Variants in RPSA2 observed in about 807,000 individuals in gnomAD.
RPSA2 encodes the protein small ribosomal subunit protein uS2B.
At chr19:23,863,516 A>G in the RPSA2 span, among the ~76,000 whole-genome samples, 1 of 151,226 alleles carries the variant, frequency 6.6e-6, no homozygotes, top group African/African-American at 2.4e-5. Flanking sequence ...GTGAGCTAAG[A>G]TCACACCACT....
chr19:23,847,544 G>T, the RPSA2 span, among the ~76,000 whole-genome samples: 2 of 152,162 alleles, frequency 1.3e-5, no homozygotes, highest in African/African-American at 2.4e-5. Context: ...AGAACAGGGA[G>T]TAGGTCACAA....
chr19:23,763,972 C>G, the RPSA2 span, among the ~76,000 whole-genome samples: 1 of 152,090 alleles, frequency 6.6e-6, no homozygotes, highest in Non-Finnish European at 1.5e-5. Flanking sequence ...TTGTATGATA[C>G]AGGTGGAAAT....
the RPSA2 span, among the ~76,000 whole-genome samples, chr19:23,776,567 T>C: frequency 6.6e-6 from 1 of 152,162 alleles, no homozygotes; most frequent in Non-Finnish European, 1.5e-5. Context: ...GCAGGAGCCA[T>C]TGTGACATAT....
At chr19:23,853,830 T>A in the RPSA2 span, among the ~76,000 whole-genome samples, 1 of 152,176 alleles carries the variant, frequency 6.6e-6, no homozygotes, top group Non-Finnish European at 1.5e-5. Context: ...ATAAATGTTC[T>A]CTGGGGAATT....
chr19:23,840,700 G>A, the RPSA2 span, among the ~76,000 whole-genome samples: 150 of 152,266 alleles, frequency 9.9e-4, no homozygotes, highest in African/African-American at 3.2e-3. Context: ...GCTGACACCT[G>A]TAATCCCAGC....
the RPSA2 span, among the ~76,000 whole-genome samples, chr19:23,772,872 AT>A: frequency 7.2e-5 from 11 of 152,150 alleles, no homozygotes; most frequent in African/African-American, 2.7e-4. Flanking sequence ...AACTGGAGAG[AT>A]GTTTACCCCA....
chr19:23,761,921 T>TCTCTCTCTCTCTCGCTCTCTCTCTC, the RPSA2 span, among the ~76,000 whole-genome samples: 10 of 76,142 alleles, frequency 1.3e-4, 2 homozygotes, highest in Non-Finnish European at 2.3e-4. Flanking sequence ...TCTTTCTTTC[T>TCTCTCTCTCTCTCGCTCTCTCTCTC]TTTTTTTTTT....
At chr19:23,819,214 A>G in the RPSA2 span, 1 of 152,164 alleles carries the variant, frequency 6.6e-6, no homozygotes, top group Non-Finnish European at 1.5e-5. Flanking sequence ...TACATAGACG[A>G]GTCAGCTTCT....
At chr19:23,849,457 C>A in the RPSA2 span, among the ~76,000 whole-genome samples, 1 of 152,014 alleles carries the variant, frequency 6.6e-6, no homozygotes, top group Non-Finnish European at 1.5e-5. Flanking sequence ...ATCATGGATG[C>A]GAGGGGCAGC....
chr19:23,843,587 TCTAA>T, the RPSA2 span, among the ~76,000 whole-genome samples: 1 of 152,180 alleles, frequency 6.6e-6, no homozygotes, highest in African/African-American at 2.4e-5. Flanking sequence ...TGAGAATATC[TCTAA>T]CTATTTTTGA....
the RPSA2 span, among the ~76,000 whole-genome samples, chr19:23,812,388 C>CTCTTTTT: frequency 1.1e-4 from 13 of 114,186 alleles, no homozygotes; most frequent in South Asian, 6.2e-4. Flanking sequence ...CTCTTTTTCT[C>CTCTTTTT]TTTTTTTTTT....
chr19:23,868,323 T>C, the RPSA2 span, among the ~76,000 whole-genome samples: 1 of 152,232 alleles, frequency 6.6e-6, no homozygotes, highest in East Asian at 1.9e-4. Flanking sequence ...TCCGGTCATG[T>C]ATGGTGACAC....
chr19:23,782,692 G>A, the RPSA2 span, among the ~76,000 whole-genome samples: 1 of 152,066 alleles, frequency 6.6e-6, no homozygotes, highest in African/African-American at 2.4e-5. Flanking sequence ...TTCTTCTGGG[G>A]TTTGTCCACA....
chr19:23,858,440 G>C, the RPSA2 span, among the ~76,000 whole-genome samples: 1 of 152,112 alleles, frequency 6.6e-6, no homozygotes, highest in African/African-American at 2.4e-5. Flanking sequence ...TTGCTGTCTT[G>C]CTTATTCATA....
the RPSA2 span, among the ~76,000 whole-genome samples, chr19:23,856,053 A>T: frequency 6.6e-6 from 1 of 152,102 alleles, no homozygotes; most frequent in Admixed American, 6.5e-5. Context: ...TTGAATCCTC[A>T]ACATCATCAG....
the RPSA2 span, chr19:23,809,638 CTT>C: frequency 6.6e-6 from 1 of 151,398 alleles, no homozygotes. Flanking sequence ...TTTTTTCTCT[CTT>C]TTATCAGACC....
chr19:23,850,903 A>G, the RPSA2 span, among the ~76,000 whole-genome samples: 1 of 152,138 alleles, frequency 6.6e-6, no homozygotes, highest in Non-Finnish European at 1.5e-5. Flanking sequence ...TGAGTTTTTA[A>G]GGTGTGATTG....
At chr19:23,777,538 A>G in the RPSA2 span, among the ~76,000 whole-genome samples, 1 of 151,488 alleles carries the variant, frequency 6.6e-6, no homozygotes, top group Non-Finnish European at 1.5e-5. Context: ...TCTTGGCCTG[A>G]CACCTAGGGG....
At chr19:23,798,245 CAG>C in the RPSA2 span, among the ~76,000 whole-genome samples, 1 of 152,084 alleles carries the variant, frequency 6.6e-6, no homozygotes, top group African/African-American at 2.4e-5. Flanking sequence ...TTTAGCAAAA[CAG>C]AATTATAAGG....
Sources: allele counts gnomAD v4.1 joint callset (sites outside exome capture counted in the v4.1 genomes callset), GRCh38; gene constraint gnomAD v4.1.1; transcripts MANE v1.5; gene names NCBI Gene and HGNC (gene_info 2026-07-23, HGNC 2026-07-21).